SHC4: variants seen among roughly 807,000 people sequenced by gnomAD.
SHC4 encodes SHC-transforming protein 4.
Under a neutral mutation model 69.4 loss-of-function variants are expected in SHC4, and 41 were observed. The observed-to-expected ratio is 0.59, with a 90% CI of 0.46 to 0.77. The LOEUF (loss-of-function observed/expected upper bound fraction) is 0.77, where lower values mean the gene tolerates loss of function less well. SHC4 is among the 30% of genes least tolerant of loss of function. The probability of loss-of-function intolerance (pLI) is 0.00; values close to 1 mark genes in which losing one functional copy is unlikely to be tolerated. For missense variants in SHC4, 777 were observed against 783.8 expected, an observed-to-expected ratio of 0.99 and a Z score of 0.10; for synonymous variants, 318 against 299.3, an observed-to-expected ratio of 1.06 and a Z score of -0.64.
chr15:48,926,847 A>G (rs1250490127), intron 1 of SHC4, among the ~76,000 whole-genome samples: 1 of 152,184 alleles, frequency 6.6e-6, no homozygotes, highest in Non-Finnish European at 1.5e-5. Context: ...TGGGAAGAGC[A>G]TGCTGGCCGG....
At chr15:48,915,538 C>A (rs774745784) in intron 2 of SHC4, among the ~76,000 whole-genome samples, 1 of 152,242 alleles carries the variant, frequency 6.6e-6, no homozygotes, top group Non-Finnish European at 1.5e-5. Context: ...GGCTTCCTGA[C>A]ATCTGCACGT....
intron 1 of SHC4, among the ~76,000 whole-genome samples, chr15:48,927,507 G>C (rs1365178179): frequency 2.6e-5 from 4 of 152,158 alleles, no homozygotes; most frequent in African/African-American, 9.7e-5. Context: ...CGCTGTGGTG[G>C]TTCTTCAAAA....
intron 6 of SHC4, among the ~76,000 whole-genome samples, chr15:48,863,018 C>A (rs1485286826): frequency 7.3e-6 from 1 of 137,634 alleles, no homozygotes; most frequent in Non-Finnish European, 1.6e-5. Flanking sequence ...AGCCCCAGAC[C>A]TACTCTCTGG....
At chr15:48,919,831 T>C (rs1300046984) in intron 2 of SHC4, among the ~76,000 whole-genome samples, 2 of 152,072 alleles carry the variant, frequency 1.3e-5, no homozygotes, top group African/African-American at 4.8e-5. Flanking sequence ...CAATCAGCCA[T>C]GCCTGAATCA....
chr15:48,891,419 T>A lies in SHC4; in HGVS notation c.657-608A>T, dbSNP rs1438916320. Among the ~76,000 whole-genome samples, 5 of 152,186 alleles carry A rather than the reference T, an allele frequency of 3.3e-5. No individual in the cohort carries two copies. In the East Asian group the frequency reaches 9.6e-4, roughly 29 times the overall value. On this transcript the variant is annotated intron_variant, in intron 2 of 11. Coordinates refer to ENST00000332408, the MANE Select transcript of SHC4 (RefSeq NM_203349.4). ...TTTGCTTACTTTTCTGCCCTTCCTA[T>A]ATATTGCACTTCCTGAGAGAAAGGC... is the stretch of plus-strand genomic sequence containing the variant.
chr15:48,931,262 T>A (rs1900959931), intron 1 of SHC4, among the ~76,000 whole-genome samples: 1 of 152,186 alleles, frequency 6.6e-6, no homozygotes, highest in South Asian at 2.1e-4. Flanking sequence ...GATTCCTAGG[T>A]TCTACTCTAG....
intron 1 of SHC4, among the ~76,000 whole-genome samples, chr15:48,932,554 G>T (rs1448551677): frequency 6.6e-6 from 1 of 152,064 alleles, no homozygotes; most frequent in Non-Finnish European, 1.5e-5. Flanking sequence ...AACTCACCAT[G>T]CTTCAAAATT....
chr15:48,954,232 C>G (rs1201402274), intron 1 of SHC4, among the ~76,000 whole-genome samples: 1 of 152,196 alleles, frequency 6.6e-6, no homozygotes, highest in African/African-American at 2.4e-5. Flanking sequence ...CCCCTCCCAG[C>G]TAAGACAATT....
At chr15:48,866,150 C>G (rs1899554789) in intron 6 of SHC4, among the ~76,000 whole-genome samples, 1 of 152,098 alleles carries the variant, frequency 6.6e-6, no homozygotes. Context: ...AGAGGCCTTC[C>G]CAGAAATAGC....
chr15:48,828,691 AT>A (rs1444808244), intron 11 of SHC4, among the ~76,000 whole-genome samples: 1 of 152,176 alleles, frequency 6.6e-6, no homozygotes, highest in African/African-American at 2.4e-5. Flanking sequence ...TAAAAAAATA[AT>A]GGCCATCTTA....
chr15:48,925,824 C>T (rs779522696), intron 1 of SHC4, among the ~76,000 whole-genome samples: 21 of 152,078 alleles, frequency 1.4e-4, no homozygotes, highest in African/African-American at 2.7e-4. Flanking sequence ...AGGGAAGTAA[C>T]GACAGCCCAC....
At chr15:48,937,934 T>A (rs1237682598) in intron 1 of SHC4, among the ~76,000 whole-genome samples, 8 of 152,230 alleles carry the variant, frequency 5.3e-5, no homozygotes, top group African/African-American at 1.9e-4. Flanking sequence ...TTATATTCAA[T>A]TTTAATGTTG....
At chr15:48,932,089 G>A (rs564385711) in intron 1 of SHC4, among the ~76,000 whole-genome samples, 46 of 152,094 alleles carry the variant, frequency 3.0e-4, no homozygotes, top group Middle Eastern at 3.4e-3. Flanking sequence ...CCTAAGATGG[G>A]GTTTCTGGTG....
At chr15:48,860,028 T>A (rs1899410067) in intron 6 of SHC4, among the ~76,000 whole-genome samples, 1 of 151,768 alleles carries the variant, frequency 6.6e-6, no homozygotes, top group Admixed American at 6.6e-5. Flanking sequence ...CTAGGCAACA[T>A]AGCAAGACCC....
chr15:48,899,285 C>A (rs564655591), intron 2 of SHC4, among the ~76,000 whole-genome samples: 1 of 151,938 alleles, frequency 6.6e-6, no homozygotes, highest in Non-Finnish European at 1.5e-5. Flanking sequence ...TGGCCAACAT[C>A]GTGAAACCCC....
At position 48,834,923 on chromosome 15, in the gene SHC4, T is replaced by C; in HGVS notation, c.1583A>G (p.His528Arg). The part of the protein sequence containing the change: ...KQQLWSEECY[H>R]GKLSRKAAES... ...TGCCGCCTTCCTGCTCAGCTTGCCA[T>C]GATAGCATTCTTCGCTCCACAGCTG... Residue 528 changes from histidine to arginine, a missense_variant, in exon 11 of 12, where the codon CAT becomes CGT. His to Arg is a conservative substitution (Grantham distance 29, BLOSUM62 0). Transcript: ENST00000332408. The C allele has an allele frequency of 6.2e-7, 1 of 1,614,004 alleles. No homozygotes were observed. Among genetic ancestry groups the C allele is most frequent in the Non-Finnish European group, 8.5e-7 (1 of 1,179,958 alleles).
chr15:48,943,970 A>G (rs1901226375), intron 1 of SHC4, among the ~76,000 whole-genome samples: 1 of 152,006 alleles, frequency 6.6e-6, no homozygotes, highest in Admixed American at 6.6e-5. Context: ...TTAGTAAGGT[A>G]GAAAGAGGGA....
chr15:48,831,565 T>C (rs1158748001), intron 11 of SHC4, among the ~76,000 whole-genome samples: 1 of 152,238 alleles, frequency 6.6e-6, no homozygotes, highest in Non-Finnish European at 1.5e-5. Flanking sequence ...CTACAAGCAA[T>C]AGGTTATACC....
At chr15:48,889,851 AAAAAC>A (rs1900104659) in intron 3 of SHC4, among the ~76,000 whole-genome samples, 1 of 152,208 alleles carries the variant, frequency 6.6e-6, no homozygotes, top group Non-Finnish European at 1.5e-5. Flanking sequence ...CTCAAAAACA[AAAAAC>A]AAAACAAAAA....
Sources: gnomAD v4.1 joint callset for allele counts (sites outside exome capture counted in the v4.1 genomes callset) on GRCh38, gnomAD v4.1.1 for gene constraint, MANE v1.5 for transcripts, NCBI Gene and HGNC (gene_info 2026-07-23, HGNC 2026-07-21) for gene names.